Variants in ATE1 observed in about 807,000 individuals in gnomAD.
ATE1 encodes arginyl-tRNA--protein transferase 1.
ATE1 carries 36 observed loss-of-function variants against 70.5 expected under a neutral mutation model. That is an observed-to-expected ratio of 0.51 (90% CI 0.39 to 0.67). The LOEUF is 0.67. Ranked by LOEUF, ATE1 falls within the 30% of genes least tolerant of loss-of-function variation. The pLI is 0.00. For missense variants in ATE1, 593 were observed against 629.5 expected (o/e 0.94, Z 0.62); for synonymous variants, 232 against 219.3 (o/e 1.06, Z -0.51).
At chr10:121,920,996 TAA>T (rs200052425) in intron 3 of ATE1, among the ~76,000 whole-genome samples, 43 of 142,256 alleles carry the variant, frequency 3.0e-4, no homozygotes, top group Middle Eastern at 3.5e-3. Context: ...TCCGTCTCTT[TAA>T]AAAAAAAAAA....
At position 121,788,397 on chromosome 10, in the gene ATE1, G is replaced by T. The variant is rs369762813; in HGVS notation, c.1378+1772C>A. Among the ~76,000 whole-genome samples the T allele has an allele frequency of 1.1e-3, 171 of 152,272 alleles. 1 individual carries two copies. The Middle Eastern group carries it at 0.024, about 21-fold the overall frequency. The stretch of plus-strand genomic sequence containing the variant: ...ACAGGGGCTAATGCCAGGGTACCTG[G>T]CATATGAGTCAGCTGGGTCCCTATG... On this transcript the variant is annotated intron_variant, in intron 11 of 11. Coordinates refer to ENST00000224652, the MANE Select transcript of ATE1 (RefSeq NM_001001976.3).
chr10:121,822,950 A>G (rs1304171401), intron 10 of ATE1, among the ~76,000 whole-genome samples: 1 of 152,116 alleles, frequency 6.6e-6, no homozygotes, highest in Non-Finnish European at 1.5e-5. Context: ...ATATACACCT[A>G]AAAACAACCA....
At chr10:121,763,893 A>G (rs554172761) in intron 11 of ATE1, among the ~76,000 whole-genome samples, 2 of 152,286 alleles carry the variant, frequency 1.3e-5, no homozygotes, top group East Asian at 3.9e-4. Flanking sequence ...GCACACCTGT[A>G]GTCCCAGCTA....
intron 7 of ATE1, among the ~76,000 whole-genome samples, chr10:121,892,799 G>C (rs926231085): frequency 1.3e-5 from 2 of 152,162 alleles, no homozygotes; most frequent in Non-Finnish European, 2.9e-5. Context: ...ACTGGCATGA[G>C]CCATGGCGCC....
In ATE1 at chr10:121,887,628, T is replaced by C. The variant is rs574247177; in HGVS notation, c.942+12238A>G. On this transcript the variant is annotated intron_variant, in intron 7 of 11. Transcript: ENST00000224652. ...GGCTGAGGTGGGAAGACTGCTTGAG[T>C]CCAAGAGTTTGAGGTTACAGTGAGC... Among the ~76,000 whole-genome samples, 6 of 152,088 alleles carry C rather than the reference T, an allele frequency of 3.9e-5. No individual in the cohort carries two copies. In the South Asian group the frequency reaches 1.2e-3, roughly 32 times the overall value.
At chr10:121,794,610 C>CA (rs71022866) in intron 10 of ATE1, among the ~76,000 whole-genome samples, 6,720 of 76,108 alleles carry the variant, frequency 0.088, 174 homozygotes, top group Non-Finnish European at 0.12. Context: ...ACCCTGTCTC[C>CA]AAAAAAAAAA....
In ATE1 at chr10:121,902,612, C is replaced by T. The variant is rs1428650754; in HGVS notation, c.592G>A (p.Ala198Thr). The change falls in exon 6 of 12, where the codon GCT becomes ACT. Residue 198 changes from alanine (A) to threonine (T), a missense_variant. Ala to Thr is a moderately conservative substitution (Grantham distance 58, BLOSUM62 0). Coordinates refer to ENST00000224652, the MANE Select transcript of ATE1 (RefSeq NM_001001976.3). ...VHTVPKPGKG[A>T]DLSKPPCRKA... ...CGACATGGAGGCTTACTCAAATCAG[C>T]CCCTTTGCCTAAAAAGAATTTTAAA... is the stretch of plus-strand genomic sequence containing the variant. 1 of 1,605,430 alleles carries T rather than the reference C, an allele frequency of 6.2e-7. No homozygotes were observed. Among genetic ancestry groups the T allele is most frequent in the Non-Finnish European group, 8.5e-7 (1 of 1,175,748 alleles).
At chr10:121,886,459 G>A (rs900030149) in intron 7 of ATE1, among the ~76,000 whole-genome samples, 12 of 152,148 alleles carry the variant, frequency 7.9e-5, no homozygotes, top group Admixed American at 3.9e-4. Flanking sequence ...CAGTGTGAGT[G>A]TGGGTGTGTG....
At chr10:121,749,605 G>C (rs1177561547) in intron 11 of ATE1, among the ~76,000 whole-genome samples, 2 of 152,134 alleles carry the variant, frequency 1.3e-5, no homozygotes, top group South Asian at 2.1e-4. Context: ...ATTAATTAAT[G>C]AATATTCAAT....
At chr10:121,766,694 C>A (rs1225031749) in intron 11 of ATE1, among the ~76,000 whole-genome samples, 6 of 152,054 alleles carry the variant, frequency 3.9e-5, no homozygotes, top group East Asian at 3.9e-4. Context: ...AAACAAAAAA[C>A]CTCCTAGACA....
In ATE1 at chr10:121,743,519, C is replaced by G. The variant is rs1481186950; in HGVS notation, c.*161G>C. On this transcript the variant is annotated 3_prime_UTR_variant, in exon 12 of 12. Coordinates refer to ENST00000224652, the MANE Select transcript of ATE1 (RefSeq NM_001001976.3). The stretch of plus-strand genomic sequence containing the variant: ...CTTTATATTAACTATGAGATTCTCA[C>G]AGATACATTGCCACAAAATATTTTT... The G allele has an allele frequency of 3.8e-6, 5 of 1,300,184 alleles. No homozygotes were observed. In the African/African-American group the frequency reaches 7.5e-5, roughly 19 times the overall value. The allele number at this position is 1,300,184 out of a possible 1,614,324, so 80.5% of individuals were successfully genotyped here.
At chr10:121,848,315 C>G (rs1220853369) in intron 8 of ATE1, among the ~76,000 whole-genome samples, 1 of 144,658 alleles carries the variant, frequency 6.9e-6, no homozygotes, top group Non-Finnish European at 1.5e-5. Flanking sequence ...TTCATTCATT[C>G]ATTAAAAAAC....
At chr10:121,885,223 T>G (rs370759095) in intron 7 of ATE1, among the ~76,000 whole-genome samples, 12 of 127,000 alleles carry the variant, frequency 9.4e-5, no homozygotes, top group African/African-American at 3.6e-4. Context: ...ATCATGCCAT[T>G]ACATTCCAGC....
chr10:121,888,579 T>C (rs1048901971), intron 7 of ATE1, among the ~76,000 whole-genome samples: 1 of 152,026 alleles, frequency 6.6e-6, no homozygotes, highest in African/African-American at 2.4e-5. Flanking sequence ...AAACTGACAA[T>C]ATGAAAAAAG....
intron 10 of ATE1, among the ~76,000 whole-genome samples, chr10:121,793,915 C>G (rs545802779): frequency 6.6e-6 from 1 of 152,264 alleles, no homozygotes; most frequent in East Asian, 1.9e-4. Flanking sequence ...AGCATACTTT[C>G]ATATTTTTTC....
intron 3 of ATE1, among the ~76,000 whole-genome samples, chr10:121,914,104 T>C (rs1005965088): frequency 1.3e-5 from 2 of 152,132 alleles, no homozygotes; most frequent in African/African-American, 4.8e-5. Flanking sequence ...TCTCACTCTG[T>C]CGCCCAGACT....
At chr10:121,923,954 T>A (rs1951980939) in intron 2 of ATE1, among the ~76,000 whole-genome samples, 1 of 152,218 alleles carries the variant, frequency 6.6e-6, no homozygotes, top group African/African-American at 2.4e-5. Context: ...CATAATAACC[T>A]ACTGATGTAA....
At chr10:121,824,084 T>C (rs1947910514) in intron 10 of ATE1, among the ~76,000 whole-genome samples, 1 of 152,206 alleles carries the variant, frequency 6.6e-6, no homozygotes, top group Admixed American at 6.5e-5. Context: ...TAAGAATTTG[T>C]GATGACCATG....
intron 3 of ATE1, among the ~76,000 whole-genome samples, chr10:121,914,192 G>C (rs1383325915): frequency 6.6e-6 from 1 of 151,992 alleles, no homozygotes; most frequent in African/African-American, 2.4e-5. Flanking sequence ...TCAGCCTCCT[G>C]AGTAGCTGGG....
Sources: gnomAD v4.1 joint callset for allele counts (sites outside exome capture counted in the v4.1 genomes callset) on GRCh38, gnomAD v4.1.1 for gene constraint, MANE v1.5 for transcripts, NCBI Gene and HGNC (gene_info 2026-07-23, HGNC 2026-07-21) for gene names.